SCN11A: variants seen among roughly 807,000 people sequenced by gnomAD.
The protein encoded by SCN11A is sodium channel protein type 11 subunit alpha.
SCN11A carries 122 observed loss-of-function variants against 162.2 expected under a neutral mutation model. The ratio of observed to expected loss-of-function variants is 0.75; its 90% confidence interval spans 0.65 to 0.87. SCN11A has a LOEUF of 0.87. Among genes scored for constraint, SCN11A ranks in the 40% least tolerant of loss-of-function variants. SCN11A has a pLI of 0.00. For missense variants in SCN11A, 2,015 were observed against 2,181.6 expected, an observed-to-expected ratio of 0.92 and a Z score of 1.52; for synonymous variants, 758 against 751.5, an observed-to-expected ratio of 1.01 and a Z score of -0.14.
At chr3:39,003,222 T>G (rs1313220427) in intron 2 of SCN11A, among the ~76,000 whole-genome samples, 1 of 152,192 alleles carries the variant, frequency 6.6e-6, no homozygotes, top group African/African-American at 2.4e-5. Context: ...ATTGTTTTTC[T>G]TCTTTGTGTT....
intron 4 of SCN11A, chr3:38,950,608 C>G (rs1297938257): frequency 2.4e-5 from 12 of 507,546 alleles, no homozygotes; most frequent in Non-Finnish European, 4.3e-5. Flanking sequence ...TCCTGGAGGA[C>G]CTGGCAAAAG....
At chr3:38,907,926 T>C in intron 14 of SCN11A, 23 bp downstream of exon 14, 1 of 1,587,464 alleles carries the variant, frequency 6.3e-7, no homozygotes, top group Non-Finnish European at 8.5e-7. Context: ...TATGGTATCA[T>C]TAATTCCCTG....
intron 2 of SCN11A, among the ~76,000 whole-genome samples, chr3:38,963,934 A>G (rs2066764329): frequency 6.6e-6 from 1 of 152,252 alleles, no homozygotes; most frequent in African/African-American, 2.4e-5. Flanking sequence ...AGTCACATTC[A>G]GACTTCCTGA....
intron 28 of SCN11A, among the ~76,000 whole-genome samples, chr3:38,856,072 G>C (rs1298708002): frequency 1.3e-5 from 2 of 152,220 alleles, no homozygotes; most frequent in Admixed American, 1.3e-4. Flanking sequence ...AGCAGGTCTT[G>C]AGTTCCAGAT....
At chr3:39,023,401 A>G (rs1258899907) in intron 2 of SCN11A, among the ~76,000 whole-genome samples, 1 of 152,134 alleles carries the variant, frequency 6.6e-6, no homozygotes, top group Non-Finnish European at 1.5e-5. Context: ...TCAAAACCTG[A>G]AAGGGTTTTT....
intron 26 of SCN11A, among the ~76,000 whole-genome samples, chr3:38,867,967 T>C (rs1372550147): frequency 6.6e-6 from 1 of 152,174 alleles, no homozygotes; most frequent in African/African-American, 2.4e-5. Context: ...GTGCCTAGCA[T>C]ACCTTCTGAT....
intron 11 of SCN11A, among the ~76,000 whole-genome samples, chr3:38,914,785 G>C (rs2125542376): frequency 6.6e-6 from 1 of 152,152 alleles, no homozygotes; most frequent in South Asian, 2.1e-4. Context: ...CACATTTATT[G>C]ATTTGCATAT....
At chr3:39,022,951 C>CT (rs1265682185) in intron 2 of SCN11A, among the ~76,000 whole-genome samples, 10 of 152,058 alleles carry the variant, frequency 6.6e-5, no homozygotes, top group South Asian at 4.2e-4. Context: ...CAATTGGAAA[C>CT]TTTAACACTA....
chr3:38,976,524 T>G (rs1317592359), intron 2 of SCN11A, among the ~76,000 whole-genome samples: 1 of 152,162 alleles, frequency 6.6e-6, no homozygotes, highest in East Asian at 1.9e-4. Context: ...TCAAAGGAAA[T>G]GCTCACTGAA....
chr3:38,902,015 G>T (rs1381200621), intron 16 of SCN11A, among the ~76,000 whole-genome samples: 3 of 152,138 alleles, frequency 2.0e-5, no homozygotes, highest in Non-Finnish European at 2.9e-5. Context: ...TGAGATGGGG[G>T]TTTTTCTCAT....
In SCN11A at chr3:38,846,788, T is replaced by C. The variant is rs2126075265; in HGVS notation, c.5282A>G (p.Asp1761Gly). The C allele has an allele frequency of 6.2e-7, 1 of 1,614,096 alleles. No homozygotes were observed. Among genetic ancestry groups the C allele is most frequent in the East Asian group, 2.2e-5 (1 of 44,862 alleles). ...TGGTGAATGAGGCCCGTTTTCCAAG[T>C]CATTTTGGTCACCTTGGTCACCCTT... ...VTKGDQGDQN[D>G]LENGPHSPLQ... The change falls in exon 30 of 30, where the codon GAC (aspartate) becomes GGC (glycine). Residue 1761 changes from aspartate (D) to glycine (G), a missense_variant. Transcript: ENST00000302328.
At chr3:38,886,785 A>G (rs1344355885) in intron 19 of SCN11A, among the ~76,000 whole-genome samples, 1 of 152,230 alleles carries the variant, frequency 6.6e-6, no homozygotes, top group African/African-American at 2.4e-5. Context: ...AAGAAAAATA[A>G]TAAAACATAT....
At chr3:39,010,378 C>CTTTTTTTTTTTTTTTTTTTTTTT (rs201494677) in intron 2 of SCN11A, among the ~76,000 whole-genome samples, 1 of 120,752 alleles carries the variant, frequency 8.3e-6, no homozygotes, top group African/African-American at 4.3e-5. Context: ...TTTAGTTTTT[C>CTTTTTTTTTTTTTTTTTTTTTTT]TTTTTTCTTT....
intron 28 of SCN11A, among the ~76,000 whole-genome samples, chr3:38,853,438 T>A (rs2064815675): frequency 6.6e-6 from 1 of 152,158 alleles, no homozygotes; most frequent in African/African-American, 2.4e-5. Flanking sequence ...AGATTAAACC[T>A]CCCCAAATAT....
At chr3:38,868,871 C>T (rs58517353) in intron 26 of SCN11A, among the ~76,000 whole-genome samples, 4,120 of 152,230 alleles carry the variant, frequency 0.027, 178 homozygotes, top group African/African-American at 0.09. Context: ...AGAGAAGTCT[C>T]TTGAACCTCT....
chr3:39,047,902 A>T (rs1274149836), intron 1 of SCN11A, among the ~76,000 whole-genome samples: 2 of 152,238 alleles, frequency 1.3e-5, no homozygotes, highest in Non-Finnish European at 2.9e-5. Flanking sequence ...TGCAGAGAAA[A>T]GGGAATTCAT....
At chr3:39,006,038 T>C (rs1218998289) in intron 2 of SCN11A, among the ~76,000 whole-genome samples, 2 of 152,244 alleles carry the variant, frequency 1.3e-5, no homozygotes, top group African/African-American at 4.8e-5. Flanking sequence ...AAATATAAAG[T>C]AATTTTCTCT....
At chr3:38,917,106 C>A (rs1427503872) in intron 11 of SCN11A, among the ~76,000 whole-genome samples, 2 of 152,188 alleles carry the variant, frequency 1.3e-5, no homozygotes, top group Non-Finnish European at 2.9e-5. Flanking sequence ...CAAATCAAAA[C>A]CACAATGAGA....
At chr3:38,997,542 A>G (rs1181586804) in intron 2 of SCN11A, among the ~76,000 whole-genome samples, 1 of 152,174 alleles carries the variant, frequency 6.6e-6, no homozygotes, top group African/African-American at 2.4e-5. Context: ...TTAACATCAT[A>G]TACAACTTAT....
Sources: gnomAD v4.1 joint callset for allele counts (sites outside exome capture counted in the v4.1 genomes callset) on GRCh38, gnomAD v4.1.1 for gene constraint, MANE v1.5 for transcripts, NCBI Gene and HGNC (gene_info 2026-07-23, HGNC 2026-07-21) for gene names.